Variants in BMPR2 observed in about 807,000 individuals in gnomAD.
The protein encoded by BMPR2 is bone morphogenetic protein receptor type 2.
In BMPR2, 29 loss-of-function variants were observed where a neutral mutation model predicts 100.8. The ratio of observed to expected loss-of-function variants is 0.29; its 90% CI spans 0.21 to 0.39. The LOEUF (loss-of-function observed/expected upper bound fraction) is 0.39. BMPR2 is among the 10% of genes least tolerant of loss of function. The probability of loss-of-function intolerance (pLI) is 1.00; values close to 1 mark genes in which losing one functional copy is unlikely to be tolerated. For synonymous variants in BMPR2, 382 were observed against 442.3 expected, an observed-to-expected ratio of 0.86 and a Z score of 1.71; for missense variants, 1,011 against 1,274.5, an observed-to-expected ratio of 0.79 and a Z score of 3.15.
rs1404478508 is a variant in BMPR2, at chr2:202,503,917, G to A, written c.419-9802G>A. 6.6e-6 allele frequency among the ~76,000 whole-genome samples: 1 copy of A among 152,154 alleles called. No homozygotes were observed. The highest frequency in any genetic ancestry group is 1.5e-5 in the Non-Finnish European group (1 of 68,026). On this transcript the variant is annotated intron_variant, in intron 3 of 12. Transcript: ENST00000374580. This position sits in a 1 kb window ranked among gnomAD's most constrained non-coding sequence, Gnocchi z 4.0. ...AATAGGCACTCTGTATCTAGCTCAAGGTTTGTAAATACACCAATCAGCACC... is the reference window on the plus strand; with the variant it reads ...AATAGGCACTCTGTATCTAGCTCAAAGTTTGTAAATACACCAATCAGCACC...
chr2:202,481,586 G>T (rs188614223), intron 3 of BMPR2, among the ~76,000 whole-genome samples: 1 of 152,228 alleles, frequency 6.6e-6, no homozygotes, highest in Admixed American at 6.5e-5. Context: ...ATTTTGATAG[G>T]CAGTTTGGGG....
chr2:202,386,689 T>C (rs1327085705), intron 1 of BMPR2, among the ~76,000 whole-genome samples: 2 of 152,082 alleles, frequency 1.3e-5, no homozygotes, highest in African/African-American at 4.8e-5. Context: ...CTTTTCTTTT[T>C]TTTTTTTGCC....
chr2:202,556,522 A>G lies in BMPR2; in HGVS notation c.2857A>G (p.Ser953Gly). 1 of 1,612,556 alleles carries G rather than the reference A, an allele frequency of 6.2e-7. No individual in the cohort carries two copies. The highest frequency in any genetic ancestry group is 8.5e-7 in the Non-Finnish European group (1 of 1,180,042). Reference sequence around the variant, plus strand: ...AGCCACAAATGTCCTGGATGGCAGCAGTATACAGAGTAAGTGGAGGGATCA... The same window carrying G: ...AGCCACAAATGTCCTGGATGGCAGCGGTATACAGAGTAAGTGGAGGGATCA... ...LSATNVLDGS[S>G]IQIGESTQDG... Residue 953 changes from serine (S) to glycine (G), a missense_variant, in exon 12 of 13, where the codon AGT (serine) becomes GGT (glycine). By Grantham distance (56) the Ser-to-Gly change is moderately conservative (BLOSUM62 0). This residue lies in a region of BMPR2 where 508 missense variants were observed against 552.0 expected (regional missense o/e 0.92). Coordinates refer to ENST00000374580, the MANE Select transcript of BMPR2 (RefSeq NM_001204.7).
chr2:202,448,261 A>C (rs1691895719), intron 1 of BMPR2, among the ~76,000 whole-genome samples: 1 of 151,008 alleles, frequency 6.6e-6, no homozygotes. Context: ...CATCCTGGCT[A>C]ACATGGTGAA....
chr2:202,455,700 G>A (rs72925077), intron 1 of BMPR2, among the ~76,000 whole-genome samples: 16,328 of 152,068 alleles, frequency 0.11, 1,083 homozygotes, highest in Non-Finnish European at 0.16. Flanking sequence ...GGCCCAAAAT[G>A]GTTAGTTTTA....
intron 1 of BMPR2, among the ~76,000 whole-genome samples, chr2:202,399,101 C>T (rs546432985): frequency 1.9e-4 from 29 of 152,022 alleles, no homozygotes; most frequent in African/African-American, 6.7e-4. Context: ...GCAATCCAGC[C>T]TGGGCAACAA....
Position 202,487,296 on chromosome 2 carries a change from C to T in BMPR2, c.418+19607C>T, listed in dbSNP as rs1692800249. 2.6e-5 allele frequency among the ~76,000 whole-genome samples: 4 copies of T among 151,972 alleles called. No homozygotes were observed. In the South Asian group the frequency reaches 8.3e-4, roughly 32 times the overall value. On this transcript the variant is annotated intron_variant, in intron 3 of 12. Coordinates refer to ENST00000374580, the MANE Select transcript of BMPR2 (RefSeq NM_001204.7). Reference sequence around the variant, plus strand: ...CTAGGAACTTAATGGCTAAAGAAGACCCCAGGTTGGGCACTTCTAATGAAT... The same window carrying T: ...CTAGGAACTTAATGGCTAAAGAAGATCCCAGGTTGGGCACTTCTAATGAAT...
At chr2:202,421,656 A>AG (rs973980644) in intron 1 of BMPR2, among the ~76,000 whole-genome samples, 1 of 151,720 alleles carries the variant, frequency 6.6e-6, no homozygotes, top group African/African-American at 2.4e-5. Context: ...AAAAAAAAAA[A>AG]AGAATTTGGA....
At chr2:202,538,949 G>A (rs1199969667) in intron 9 of BMPR2, among the ~76,000 whole-genome samples, 1 of 152,082 alleles carries the variant, frequency 6.6e-6, no homozygotes, top group Non-Finnish European at 1.5e-5. Flanking sequence ...GATTAAAATG[G>A]TTATTTGGGA....
At chr2:202,446,193 G>A (rs896259419) in intron 1 of BMPR2, among the ~76,000 whole-genome samples, 1 of 150,284 alleles carries the variant, frequency 6.7e-6, no homozygotes, top group Non-Finnish European at 1.5e-5. Context: ...CTGAGGTTGG[G>A]AGTTCAAGAC....
chr2:202,535,544 G>A (rs538001330), intron 9 of BMPR2, among the ~76,000 whole-genome samples: 1 of 150,574 alleles, frequency 6.6e-6, no homozygotes, highest in African/African-American at 2.4e-5. Flanking sequence ...AGGAAGAGGT[G>A]CTCCTCACTT....
chr2:202,511,918 G>T (rs537882566), intron 3 of BMPR2, among the ~76,000 whole-genome samples: 2 of 151,912 alleles, frequency 1.3e-5, no homozygotes, highest in Non-Finnish European at 2.9e-5. Flanking sequence ...CAACTCAGGA[G>T]GCTGAGGCAC....
chr2:202,427,909 G>GTGGTAGCC (rs1691423675), intron 1 of BMPR2, among the ~76,000 whole-genome samples: 1 of 152,120 alleles, frequency 6.6e-6, no homozygotes, highest in Non-Finnish European at 1.5e-5. Flanking sequence ...AGCCTGGGAG[G>GTGGTAGCC]TGGTAGTTGC....
At chr2:202,518,127 CTTTTTTTTTTTTTT>C (rs35869694) in intron 5 of BMPR2, among the ~76,000 whole-genome samples, 1 of 77,018 alleles carries the variant, frequency 1.3e-5, no homozygotes, top group African/African-American at 5.5e-5. Context: ...CGCCTGGCCT[CTTTTTTTTTTTTTT>C]TTTTTTTTTT....
intron 1 of BMPR2, among the ~76,000 whole-genome samples, chr2:202,429,307 C>T (rs1438137927): frequency 1.3e-5 from 2 of 150,806 alleles, no homozygotes; most frequent in Admixed American, 6.7e-5. Context: ...TATCATGGCA[C>T]ATCCATCATC....
At chr2:202,537,015 G>T (rs1688174269) in intron 9 of BMPR2, among the ~76,000 whole-genome samples, 2 of 152,000 alleles carry the variant, frequency 1.3e-5, no homozygotes, top group South Asian at 4.2e-4. Context: ...CTCCTGCTCA[G>T]CCTCCTGAGT....
rs145210085 is a variant in BMPR2, at chr2:202,512,600, G to T, written c.419-1119G>T. Reference sequence around the variant, plus strand: ...TCAGAGGTCTCAAACCTTCATAGTTGTACTTGCTCTCTTTTGGATATGCTC... The same window carrying T: ...TCAGAGGTCTCAAACCTTCATAGTTTTACTTGCTCTCTTTTGGATATGCTC... On this transcript the variant is annotated intron_variant, in intron 3 of 12. Coordinates refer to ENST00000374580, the MANE Select transcript of BMPR2 (RefSeq NM_001204.7). Among the ~76,000 whole-genome samples the T allele has an allele frequency of 3.2e-4, 48 of 152,178 alleles. No homozygotes were observed. In the East Asian group the frequency reaches 4.8e-3, roughly 15 times the overall value.
intron 1 of BMPR2, among the ~76,000 whole-genome samples, chr2:202,432,555 C>T (rs938994497): frequency 4.7e-5 from 7 of 150,290 alleles, no homozygotes; most frequent in Non-Finnish European, 8.8e-5. Flanking sequence ...GCACAAAATG[C>T]AAGTATTACT....
At chr2:202,381,820 G>A (rs1303268916) in intron 1 of BMPR2, among the ~76,000 whole-genome samples, 1 of 152,012 alleles carries the variant, frequency 6.6e-6, no homozygotes, top group Non-Finnish European at 1.5e-5. Flanking sequence ...ATGTGGATGA[G>A]TAGTGAGGTG....
Sources: allele counts gnomAD v4.1 joint callset (sites outside exome capture counted in the v4.1 genomes callset), GRCh38; gene constraint gnomAD v4.1.1; regional missense constraint gnomAD v4.1.1; non-coding constraint Gnocchi (gnomAD v3.1); transcripts MANE v1.5; gene names NCBI Gene and HGNC (gene_info 2026-07-23, HGNC 2026-07-21).